The following RPTOR variants were observed in gnomAD, a reference collection of about 807,000 sequenced individuals.
The protein encoded by RPTOR is regulatory-associated protein of mTOR.
RPTOR carries 21 observed loss-of-function variants against 169.9 expected under a neutral mutation model. That is an observed-to-expected ratio of 0.12 (90% CI 0.09 to 0.18). The LOEUF is 0.18. RPTOR is among the 10% of genes least tolerant of loss of function. The pLI is 1.00. For synonymous variants in RPTOR, 732 were observed against 753.2 expected (o/e 0.97, Z 0.46); for missense variants, 1,133 against 1,855.9 (o/e 0.61, Z 7.16).
chr17:80,911,066 C>T (rs1287394552), intron 21 of RPTOR, among the ~76,000 whole-genome samples: 1 of 152,060 alleles, frequency 6.6e-6, no homozygotes, highest in East Asian at 1.9e-4. Flanking sequence ...CTCTTGACCT[C>T]GTGATCCGCC....
chr17:80,616,719 A>G (rs917845766), intron 1 of RPTOR, among the ~76,000 whole-genome samples: 10 of 152,264 alleles, frequency 6.6e-5, no homozygotes, highest in Admixed American at 5.2e-4. Context: ...AGCCCTATTG[A>G]AGCAATAGGC....
intron 6 of RPTOR, among the ~76,000 whole-genome samples, chr17:80,784,003 G>A (rs898449384): frequency 5.3e-5 from 8 of 152,030 alleles, no homozygotes; most frequent in Non-Finnish European, 1.0e-4. Flanking sequence ...TTAAGGCAAA[G>A]GATCTCACTG....
chr17:80,609,684 G>A lies in RPTOR; in HGVS notation c.163-16007G>A, dbSNP rs182288858. ...CGCTTGAACCCAGGAGGTGGAGGTTGCAGTGAGCTGAGATTGCACTGCTGC... is the reference window on the plus strand; with the variant it reads ...CGCTTGAACCCAGGAGGTGGAGGTTACAGTGAGCTGAGATTGCACTGCTGC... On this transcript the variant is annotated intron_variant, in intron 1 of 33. Coordinates refer to ENST00000306801, the MANE Select transcript of RPTOR (RefSeq NM_020761.3). The surrounding 1 kb of genome is among the most constrained non-coding windows in gnomAD (Gnocchi z 4.8). Among the ~76,000 whole-genome samples, 6 of 152,156 alleles carry A rather than the reference G, an allele frequency of 3.9e-5. No individual in the cohort carries two copies. Among genetic ancestry groups the A allele is most frequent in the Non-Finnish European group, 8.8e-5 (6 of 67,994 alleles).
In RPTOR at chr17:80,959,963, G is replaced by A. The variant is rs578029570; in HGVS notation, c.3478-115G>A. ...ATAGAGAGAAAGGCCCCTGCAGCCA[G>A]GGAGGGTGATCCCCACAGCCAGGCA... On this transcript the variant is annotated intron_variant, in intron 29 of 33. Transcript: ENST00000306801. The surrounding 1 kb of genome is among the most constrained non-coding windows in gnomAD (Gnocchi z 6.7). 6.9e-5 allele frequency: 92 copies of A among 1,324,652 alleles called. No individual in the cohort carries two copies. The African/African-American group carries it at 1.3e-3, about 18-fold the overall frequency. The allele number at this position is 1,324,652 out of a possible 1,614,324, so 82.1% of individuals were successfully genotyped here.
At chr17:80,922,635 A>G in intron 21 of RPTOR, 89 bp from the exon 22 acceptor site, 1 of 1,060,086 alleles carries the variant, frequency 9.4e-7, no homozygotes, top group Non-Finnish European at 1.4e-6. Flanking sequence ...GTGATTCTGA[A>G]GCGGCTCCAC....
At chr17:80,711,900 C>T (rs1321054369) in intron 4 of RPTOR, among the ~76,000 whole-genome samples, 1 of 151,876 alleles carries the variant, frequency 6.6e-6, no homozygotes, top group Non-Finnish European at 1.5e-5. Flanking sequence ...CCCGCCGCCA[C>T]GCCCGGCTAA....
chr17:80,879,241 C>T (rs2068157563), intron 13 of RPTOR, among the ~76,000 whole-genome samples: 1 of 151,836 alleles, frequency 6.6e-6, no homozygotes. Context: ...GTCCTCTGTC[C>T]TTGCTGACCC....
At chr17:80,822,966 T>G (rs1307850187) in intron 8 of RPTOR, 113 bp from the exon 9 acceptor site, 2 of 1,132,646 alleles carry the variant, frequency 1.8e-6, no homozygotes, top group East Asian at 2.4e-5. Flanking sequence ...ATGGGAGATA[T>G]GCATATTAGT....
intron 6 of RPTOR, among the ~76,000 whole-genome samples, chr17:80,765,726 G>A (rs957015302): frequency 1.3e-5 from 2 of 152,082 alleles, no homozygotes; most frequent in Non-Finnish European, 2.9e-5. Flanking sequence ...GGGGCTCTCC[G>A]TCCTTGTCCT....
chr17:80,955,785 T>C (rs573013150), intron 28 of RPTOR, among the ~76,000 whole-genome samples: 2 of 152,274 alleles, frequency 1.3e-5, no homozygotes, highest in African/African-American at 4.8e-5. Flanking sequence ...TGAAATGGCC[T>C]TCCCTGGGGA....
At position 80,959,521 on chromosome 17, in the gene RPTOR, G is replaced by A. The variant is rs571582184; in HGVS notation, c.3478-557G>A. Among the ~76,000 whole-genome samples the A allele has an allele frequency of 5.0e-4, 76 of 152,236 alleles. No individual in the cohort carries two copies. The highest frequency in any genetic ancestry group is 1.5e-4 in the Non-Finnish European group (10 of 67,996). On this transcript the variant is annotated intron_variant, in intron 29 of 33. Transcript: ENST00000306801. This position sits in a 1 kb window ranked among gnomAD's most constrained non-coding sequence, Gnocchi z 6.7. ...GTGCGTGGAAAGCGCTCTCCCTCTC[G>A]TGGCCCTTTTCCTCCTGCGTCCCTG...
intron 7 of RPTOR, among the ~76,000 whole-genome samples, chr17:80,798,480 A>G (rs946359526): frequency 4.6e-5 from 7 of 151,922 alleles, no homozygotes; most frequent in African/African-American, 1.7e-4. Context: ...CCTGCTTGGG[A>G]CACCAGTCCC....
chr17:80,701,133 A>G (rs892892441), intron 3 of RPTOR, among the ~76,000 whole-genome samples: 4 of 152,154 alleles, frequency 2.6e-5, no homozygotes, highest in Admixed American at 1.3e-4. Context: ...GGGAAGACAC[A>G]GAAGATGTGC....
intron 3 of RPTOR, among the ~76,000 whole-genome samples, chr17:80,670,514 A>G (rs1022324625): frequency 6.6e-6 from 1 of 151,764 alleles, no homozygotes; most frequent in Non-Finnish European, 1.5e-5. Flanking sequence ...TTTGTACCCT[A>G]TTTTTTTGAT....
At chr17:80,907,130 C>T (rs1360897818) in intron 20 of RPTOR, among the ~76,000 whole-genome samples, 3 of 152,378 alleles carry the variant, frequency 2.0e-5, no homozygotes, top group Admixed American at 1.3e-4. Flanking sequence ...CAGCTGTGTT[C>T]CTGCAGTGAC....
intron 17 of RPTOR, among the ~76,000 whole-genome samples, chr17:80,886,770 A>T (rs1242088843): frequency 6.6e-6 from 1 of 152,024 alleles, no homozygotes; most frequent in African/African-American, 2.4e-5. Flanking sequence ...GTGGCCCGCG[A>T]GGACACCGTG....
chr17:80,755,510 G>A (rs780585267), intron 6 of RPTOR, among the ~76,000 whole-genome samples: 13 of 152,138 alleles, frequency 8.5e-5, no homozygotes, highest in Non-Finnish European at 1.9e-4. Context: ...GGTGAGGCAG[G>A]CAGATTGCTT....
In RPTOR at chr17:80,964,112, G is replaced by A. The variant is rs545099925; in HGVS notation, c.3940-150G>A. ...GGCCCTGCAGAGGACTGGTGGGACC[G>A]GCCCGGCATTTCCGGGCCTGAGGTG... On this transcript the variant is annotated intron_variant, in intron 33 of 33. Transcript: ENST00000306801. 98 of 684,518 alleles carry A rather than the reference G, an allele frequency of 1.4e-4. No individual in the cohort carries two copies. In the Admixed American group the frequency reaches 1.9e-3, roughly 13 times the overall value. The allele number at this position is 684,518 out of a possible 1,614,324, so 42.4% of individuals were successfully genotyped here.
At chr17:80,641,730 G>A (rs975892480) in intron 2 of RPTOR, among the ~76,000 whole-genome samples, 1 of 152,196 alleles carries the variant, frequency 6.6e-6, no homozygotes, top group African/African-American at 2.4e-5. Flanking sequence ...GATCACTGGA[G>A]CCTTAGCGAG....
Sources: allele counts gnomAD v4.1 joint callset (sites outside exome capture counted in the v4.1 genomes callset), GRCh38; gene constraint gnomAD v4.1.1; non-coding constraint Gnocchi (gnomAD v3.1); transcripts MANE v1.5; gene names NCBI Gene and HGNC (gene_info 2026-07-23, HGNC 2026-07-21).